Variants in SYNPO2 observed in about 807,000 individuals in gnomAD.
The protein encoded by SYNPO2 is synaptopodin 2.
Under a neutral mutation model 85.0 loss-of-function variants are expected in SYNPO2, and 56 were observed. The ratio of observed to expected loss-of-function variants is 0.66; its 90% confidence interval spans 0.53 to 0.82. The LOEUF is 0.82. Ranked by LOEUF, SYNPO2 falls within the 40% of genes least tolerant of loss-of-function variation. The probability of loss-of-function intolerance (pLI) is 0.00; values close to 1 mark genes in which losing one functional copy is unlikely to be tolerated. For missense variants in SYNPO2, 1,575 were observed against 1,534.2 expected, an observed-to-expected ratio of 1.03 and a Z score of -0.44; for synonymous variants, 602 against 591.1, an observed-to-expected ratio of 1.02 and a Z score of -0.27.
chr4:118,894,493 A>G (rs1287722106), intron 1 of SYNPO2, among the ~76,000 whole-genome samples: 1 of 151,710 alleles, frequency 6.6e-6, no homozygotes, highest in Non-Finnish European at 1.5e-5. Flanking sequence ...CCATCCGTGG[A>G]CTTGCTAGCC....
In SYNPO2 at chr4:119,030,257, G is replaced by A. The variant is rs1228449587; in HGVS notation, c.1482G>A (p.Met494Ile). 3 of 1,613,904 alleles carry A rather than the reference G, an allele frequency of 1.9e-6. No homozygotes were observed. The highest frequency in any genetic ancestry group is 2.5e-6 in the Non-Finnish European group (3 of 1,180,008). The change falls in exon 4 of 5, where the codon ATG (methionine) becomes ATA (isoleucine). Residue 494 changes from methionine (M) to isoleucine (I), a missense_variant. Coordinates refer to ENST00000307142, the MANE Select transcript of SYNPO2 (RefSeq NM_133477.3). ...LPDTTGKGAL[M>I]FAKRRERMDQ... ...ACACCACAGGCAAGGGAGCCCTCAT[G>A]TTTGCCAAGAGGAGGGAGAGAATGG...
chr4:118,899,906 C>A (rs1453333251), intron 1 of SYNPO2, among the ~76,000 whole-genome samples: 1 of 152,096 alleles, frequency 6.6e-6, no homozygotes, highest in Non-Finnish European at 1.5e-5. Flanking sequence ...GGATTACAGG[C>A]ACCTGCCACC....
intron 1 of SYNPO2, among the ~76,000 whole-genome samples, chr4:118,911,351 A>G (rs1190449371): frequency 6.6e-6 from 1 of 152,126 alleles, no homozygotes; most frequent in Non-Finnish European, 1.5e-5. Context: ...ATTAATATGG[A>G]TCAGTCACAA....
intron 1 of SYNPO2, among the ~76,000 whole-genome samples, chr4:118,881,070 A>T (rs577436263): frequency 2.0e-5 from 3 of 152,234 alleles, no homozygotes; most frequent in Admixed American, 2.0e-4. Context: ...TGGGAGGCCT[A>T]GGTGGGCGGA....
chr4:118,866,142 G>C (rs1174905937), intron 1 of SYNPO2, among the ~76,000 whole-genome samples: 1 of 152,276 alleles, frequency 6.6e-6, no homozygotes, highest in African/African-American at 2.4e-5. Context: ...TTTTGTCTTT[G>C]TAGCCCATAG....
chr4:119,018,191 T>C (rs115503436), intron 1 of SYNPO2, among the ~76,000 whole-genome samples: 1 of 152,268 alleles, frequency 6.6e-6, no homozygotes, highest in African/African-American at 2.4e-5. Context: ...TGAGTGAGAA[T>C]GAGCAATATT....
At position 119,059,070 on chromosome 4, in the gene SYNPO2, C is replaced by T. The variant is rs185255463; in HGVS notation, c.*1136C>T. 11 of 152,172 alleles carry T rather than the reference C, an allele frequency of 7.2e-5. No homozygotes were observed. The highest frequency in any genetic ancestry group is 1.9e-4 in the East Asian group (1 of 5,178). The allele number at this position is 152,172 out of a possible 1,614,324, so 9.4% of individuals were successfully genotyped here. On this transcript the variant is annotated 3_prime_UTR_variant, in exon 5 of 5. Transcript: ENST00000307142. ...GAGATTCTCTCATTTGTAGAATGCCCGCTGATGCATTGTTTATTTTTTTTG... is the reference window on the plus strand; with the variant it reads ...GAGATTCTCTCATTTGTAGAATGCCTGCTGATGCATTGTTTATTTTTTTTG...
chr4:118,992,183 G>A (rs920265021), intron 1 of SYNPO2, among the ~76,000 whole-genome samples: 2 of 152,090 alleles, frequency 1.3e-5, no homozygotes, highest in Non-Finnish European at 2.9e-5. Context: ...TTATAGGCAA[G>A]ACTCTACACA....
rs1739292694 is a variant in SYNPO2 at position 119,058,468 on chromosome 4, T to TTC, written c.*535_*536insCT. The TTC allele has an allele frequency of 1.9e-5, 1 of 53,536 alleles. No individual in the cohort carries two copies. The highest frequency in any genetic ancestry group is 6.4e-4 in the South Asian group (1 of 1,568). The allele number at this position is 53,536 out of a possible 1,614,324, so 3.3% of individuals were successfully genotyped here. A position where few individuals can be genotyped will look rare whatever the true frequency, so the allele number is the denominator to read the frequency against. On this transcript the variant is annotated 3_prime_UTR_variant, in exon 5 of 5. Transcript: ENST00000307142. Reference sequence around the variant, plus strand: ...GTGTTAAGTATTTCTCTGCAACTTTTTTTTTTTTTTTTTTTTTTTTTTGAG... The same window carrying TTC: ...GTGTTAAGTATTTCTCTGCAACTTTTTCTTTTTTTTTTTTTTTTTTTTTTGAG...
At chr4:118,985,697 G>A (rs1015886700) in intron 1 of SYNPO2, among the ~76,000 whole-genome samples, 11 of 152,248 alleles carry the variant, frequency 7.2e-5, no homozygotes, top group African/African-American at 2.7e-4. Context: ...TAGGCATCTA[G>A]AAGTGTCTTG....
rs1359074498 is a variant in SYNPO2, at chr4:118,940,132, C to T, written c.105+50991C>T. ...TCTCGAGTAGCTGGGACCACAGGTACACGCCACCAAGCCCAGTTAATTTTT... is the reference window on the plus strand; with the variant it reads ...TCTCGAGTAGCTGGGACCACAGGTATACGCCACCAAGCCCAGTTAATTTTT... On this transcript the variant is annotated intron_variant, in intron 1 of 4. Coordinates refer to ENST00000307142, the MANE Select transcript of SYNPO2 (RefSeq NM_133477.3). 2.0e-5 allele frequency among the ~76,000 whole-genome samples: 3 copies of T among 151,902 alleles called. No homozygotes were observed. The East Asian group carries it at 5.8e-4, about 29-fold the overall frequency.
At chr4:119,012,980 ACAC>A (rs1467217046) in intron 1 of SYNPO2, among the ~76,000 whole-genome samples, 1 of 152,148 alleles carries the variant, frequency 6.6e-6, no homozygotes. Flanking sequence ...AAGAATGCTT[ACAC>A]ATGGAATCCC....
chr4:118,869,105 GC>G (rs1439414757), intron 1 of SYNPO2, among the ~76,000 whole-genome samples: 5 of 152,292 alleles, frequency 3.3e-5, no homozygotes, highest in African/African-American at 1.2e-4. Context: ...CGCTCTTGTT[GC>G]CCAGGCTGGA....
chr4:118,897,176 C>T (rs567854240), intron 1 of SYNPO2, among the ~76,000 whole-genome samples: 12 of 152,234 alleles, frequency 7.9e-5, no homozygotes, highest in African/African-American at 1.2e-4. Context: ...TCCTACATGG[C>T]ATCAGGAGAG....
chr4:118,885,656 AG>A (rs1167632776), upstream of SYNPO2, among the ~76,000 whole-genome samples: 1 of 152,074 alleles, frequency 6.6e-6, no homozygotes, highest in Non-Finnish European at 1.5e-5. Flanking sequence ...TACTTTTGGT[AG>A]AGATGGGGTT....
chr4:119,051,338 C>T (rs566458369), intron 4 of SYNPO2, among the ~76,000 whole-genome samples: 4 of 148,570 alleles, frequency 2.7e-5, no homozygotes, highest in Admixed American at 1.3e-4. Flanking sequence ...TACAAGCGCC[C>T]GCCACTACGC....
chr4:118,902,501 C>G (rs1732791792), intron 1 of SYNPO2, among the ~76,000 whole-genome samples: 1 of 152,130 alleles, frequency 6.6e-6, no homozygotes, highest in African/African-American at 2.4e-5. Flanking sequence ...TACTTATTCA[C>G]TACCAGGAGA....
At chr4:118,926,581 T>C (rs2149130837) in intron 1 of SYNPO2, among the ~76,000 whole-genome samples, 2 of 152,272 alleles carry the variant, frequency 1.3e-5, no homozygotes, top group Middle Eastern at 6.8e-3. Flanking sequence ...TTGCACTTCC[T>C]GGAGTTGTAT....
intron 4 of SYNPO2, chr4:119,032,929 T>TTTGGCC: frequency 1.1e-5 from 10 of 905,298 alleles, no homozygotes; most frequent in Non-Finnish European, 1.3e-5. Context: ...AAAGGTTGAT[T>TTTGGCC]CCCACCCTCC....
Sources: allele counts gnomAD v4.1 joint callset (sites outside exome capture counted in the v4.1 genomes callset), GRCh38; gene constraint gnomAD v4.1.1; transcripts MANE v1.5; gene names NCBI Gene and HGNC (gene_info 2026-07-23, HGNC 2026-07-21).